Variants in INPP4B observed in about 807,000 individuals in gnomAD.
INPP4B encodes inositol polyphosphate-4-phosphatase type II B, also known as inositol polyphosphate 4-phosphatase type II.
INPP4B carries 55 observed loss-of-function variants against 122.5 expected under a neutral mutation model. The observed-to-expected ratio is 0.45, with a 90% CI of 0.36 to 0.56. The LOEUF is 0.56. INPP4B is among the 20% of genes least tolerant of loss of function. INPP4B has a pLI of 0.00. For synonymous variants in INPP4B, 403 were observed against 388.7 expected (o/e 1.04, Z -0.43); for missense variants, 1,000 against 1,097.7 (o/e 0.91, Z 1.26).
chr4:142,718,431 C>T (rs1217511521), intron 2 of INPP4B, among the ~76,000 whole-genome samples: 1 of 152,126 alleles, frequency 6.6e-6, no homozygotes, highest in South Asian at 2.1e-4. Context: ...AAGACAGATG[C>T]CCCAATCGGA....
At position 142,356,712 on chromosome 4, in the gene INPP4B, CAT is replaced by C. The variant is rs377608491; in HGVS notation, c.373-41952_373-41951del. Among the ~76,000 whole-genome samples, 300 of 151,858 alleles carry C rather than the reference CAT, an allele frequency of 2.0e-3. 1 individual carries two copies. The highest frequency in any genetic ancestry group is 7.0e-3 in the African/African-American group (288 of 41,432). On this transcript the variant is annotated intron_variant, in intron 7 of 25. Transcript: ENST00000262992. ...TTTGGTCTTTGGCCTCAGTTCCTGA[CAT>C]AGAGCTTCTAATTCCTTGGAACTTT...
chr4:142,606,287 T>A (rs890919765), intron 2 of INPP4B, among the ~76,000 whole-genome samples: 6 of 151,884 alleles, frequency 4.0e-5, no homozygotes, highest in Non-Finnish European at 8.8e-5. Flanking sequence ...AGGTCAGTTA[T>A]GAGTACAAAC....
chr4:142,316,593 T>C (rs1192382975), intron 7 of INPP4B, among the ~76,000 whole-genome samples: 1 of 152,174 alleles, frequency 6.6e-6, no homozygotes, highest in African/African-American at 2.4e-5. Flanking sequence ...TACATTAATT[T>C]TTTAAAAAAT....
intron 25 of INPP4B, among the ~76,000 whole-genome samples, chr4:142,051,993 G>C (rs1021842443): frequency 6.6e-6 from 1 of 151,894 alleles, no homozygotes; most frequent in Middle Eastern, 3.2e-3. Flanking sequence ...TAATAACACC[G>C]TTCTCATCTC....
In INPP4B at chr4:142,025,092, AG is replaced by A. The variant is rs1736623125; in HGVS notation, c.*3689del. On this transcript the variant is annotated 3_prime_UTR_variant, in exon 26 of 26. Coordinates refer to ENST00000262992, the MANE Select transcript of INPP4B (RefSeq NM_001101669.3). ...TAATTTATTTCCTAATAAAAAAAAA[AG>A]AATATGGCATTCATTGTGTGCTGGT... 4.6e-5 allele frequency: 7 copies of A among 152,242 alleles called. No homozygotes were observed. 9.4% of individuals were successfully genotyped at this position (152,242 alleles called of 1,614,324 possible).
At chr4:142,518,054 C>A (rs553823406) in intron 2 of INPP4B, among the ~76,000 whole-genome samples, 2 of 152,094 alleles carry the variant, frequency 1.3e-5, no homozygotes, top group African/African-American at 4.8e-5. Flanking sequence ...AGAATAGATA[C>A]AATAAGTTGA....
At chr4:142,646,358 T>TA (rs924797916) in intron 2 of INPP4B, among the ~76,000 whole-genome samples, 1 of 151,832 alleles carries the variant, frequency 6.6e-6, no homozygotes, top group Non-Finnish European at 1.5e-5. Context: ...ATCCTATTTT[T>TA]AAAAAAGAAG....
At chr4:142,845,830 G>T (rs1477196644) in intron 1 of INPP4B, among the ~76,000 whole-genome samples, 1 of 152,130 alleles carries the variant, frequency 6.6e-6, no homozygotes, top group Non-Finnish European at 1.5e-5. Flanking sequence ...GGACAGCGCA[G>T]GTGGGCGCAG....
intron 16 of INPP4B, among the ~76,000 whole-genome samples, chr4:142,168,256 A>G (rs1363739577): frequency 6.6e-6 from 1 of 151,350 alleles, no homozygotes; most frequent in African/African-American, 2.4e-5. Flanking sequence ...ATTTCTGCCA[A>G]TATTTTTATG....
intron 2 of INPP4B, among the ~76,000 whole-genome samples, chr4:142,536,750 A>T (rs1484202315): frequency 6.6e-6 from 1 of 151,874 alleles, no homozygotes; most frequent in African/African-American, 2.4e-5. Context: ...AATGAACTTG[A>T]CTCTAAACGG....
intron 2 of INPP4B, chr4:142,660,966 C>G: frequency 6.6e-6 from 1 of 152,320 alleles, no homozygotes; most frequent in East Asian, 1.9e-4. Flanking sequence ...AGATGTACTT[C>G]TTTAGAGGGG....
intron 18 of INPP4B, among the ~76,000 whole-genome samples, chr4:142,138,757 G>T (rs1446811064): frequency 6.6e-6 from 1 of 152,022 alleles, no homozygotes; most frequent in South Asian, 2.1e-4. Flanking sequence ...GAATGTAAAA[G>T]TTCATCAAAG....
At chr4:142,179,676 T>A (rs1579190391) in intron 15 of INPP4B, among the ~76,000 whole-genome samples, 1 of 152,180 alleles carries the variant, frequency 6.6e-6, no homozygotes, top group Admixed American at 6.5e-5. Flanking sequence ...TTCTTACTTG[T>A]ACTTTCTAAA....
intron 2 of INPP4B, among the ~76,000 whole-genome samples, chr4:142,584,860 A>C (rs930552043): frequency 6.6e-6 from 1 of 152,112 alleles, no homozygotes; most frequent in African/African-American, 2.4e-5. Flanking sequence ...GAATTTTGCT[A>C]TATGAGAGAC....
chr4:142,752,476 ATG>A (rs1222554444), intron 1 of INPP4B, among the ~76,000 whole-genome samples: 1 of 152,072 alleles, frequency 6.6e-6, no homozygotes, highest in Non-Finnish European at 1.5e-5. Context: ...GCTTGAAAGT[ATG>A]TGTCTTTCAT....
At chr4:142,185,341 T>C (rs1204295465) in intron 15 of INPP4B, among the ~76,000 whole-genome samples, 1 of 151,494 alleles carries the variant, frequency 6.6e-6, no homozygotes, top group Non-Finnish European at 1.5e-5. Context: ...AAGATATGAG[T>C]AAAGTGGAGC....
chr4:142,368,321 T>A lies in INPP4B; in HGVS notation c.372+34617A>T, dbSNP rs550571479. 5.3e-5 allele frequency among the ~76,000 whole-genome samples: 8 copies of A among 152,236 alleles called. No homozygotes were observed. The East Asian group carries it at 1.5e-3, about 29-fold the overall frequency. The stretch of plus-strand genomic sequence containing the variant: ...TCTGTATTTTTTTAAAAAAATAGTA[T>A]CACAATGAAAAATTCAGTGTCTCTA... On this transcript the variant is annotated intron_variant, in intron 7 of 25. Transcript: ENST00000262992.
chr4:142,533,176 C>T (rs1170330878), intron 2 of INPP4B, among the ~76,000 whole-genome samples: 1 of 152,084 alleles, frequency 6.6e-6, no homozygotes, highest in Non-Finnish European at 1.5e-5. Flanking sequence ...ATAAATATAT[C>T]ATCAGTCTCA....
At chr4:142,499,392 G>T (rs909800873) in intron 2 of INPP4B, among the ~76,000 whole-genome samples, 1 of 152,010 alleles carries the variant, frequency 6.6e-6, no homozygotes, top group Non-Finnish European at 1.5e-5. Context: ...GATTAGAAGG[G>T]ATTTTAACAA....
Sources: gnomAD v4.1 joint callset for allele counts (sites outside exome capture counted in the v4.1 genomes callset) on GRCh38, gnomAD v4.1.1 for gene constraint, MANE v1.5 for transcripts, NCBI Gene and HGNC (gene_info 2026-07-23, HGNC 2026-07-21) for gene names.